The following NRXN1 variants were observed in gnomAD, a reference collection of about 807,000 sequenced individuals.
The protein encoded by NRXN1 is neurexin-1.
Under a neutral mutation model 150.9 loss-of-function variants are expected in NRXN1, and 39 were observed. That is an observed-to-expected ratio of 0.26 (90% confidence interval 0.20 to 0.34). The LOEUF is 0.34. Among genes scored for constraint, NRXN1 ranks in the 10% least tolerant of loss-of-function variants. The pLI, the probability that NRXN1 is intolerant of heterozygous loss-of-function variation, is 1.00. For missense variants in NRXN1, 1,815 were observed against 1,949.9 expected (o/e 0.93, Z 1.30); for synonymous variants, 924 against 757.0 (o/e 1.22, Z -3.62).
intron 5 of NRXN1, among the ~76,000 whole-genome samples, chr2:50,844,040 A>G (rs1403957018): frequency 6.6e-6 from 1 of 152,128 alleles, no homozygotes; most frequent in East Asian, 1.9e-4. Context: ...GAAGGAAGCA[A>G]TGTGTCGTGA....
At chr2:50,110,202 G>T (rs1702192035) in intron 18 of NRXN1, among the ~76,000 whole-genome samples, 1 of 152,028 alleles carries the variant, frequency 6.6e-6, no homozygotes. Context: ...TAGAAATAAA[G>T]AATGTTGGCC....
intron 5 of NRXN1, among the ~76,000 whole-genome samples, chr2:50,679,058 G>A (rs1472098954): frequency 6.6e-6 from 1 of 151,976 alleles, no homozygotes. Flanking sequence ...GTAGCTCTTG[G>A]GGCATGTACA....
chr2:50,760,991 A>G (rs1701738375), intron 5 of NRXN1, among the ~76,000 whole-genome samples: 1 of 151,940 alleles, frequency 6.6e-6, no homozygotes, highest in Non-Finnish European at 1.5e-5. Context: ...ACCCAAACCA[A>G]CCAATTAATT....
chr2:50,224,576 T>C (rs540039925), intron 18 of NRXN1, among the ~76,000 whole-genome samples: 6 of 151,888 alleles, frequency 4.0e-5, no homozygotes, highest in African/African-American at 1.4e-4. Flanking sequence ...ATTTAATATA[T>C]ATTAATTAAA....
At chr2:50,358,551 A>G (rs1248582341) in intron 17 of NRXN1, among the ~76,000 whole-genome samples, 3 of 152,180 alleles carry the variant, frequency 2.0e-5, no homozygotes, top group Non-Finnish European at 4.4e-5. Flanking sequence ...TCTGGGCAGG[A>G]CATCTCTGAA....
chr2:50,579,788 G>C (rs1671978226), intron 8 of NRXN1, among the ~76,000 whole-genome samples: 1 of 152,118 alleles, frequency 6.6e-6, no homozygotes, highest in Admixed American at 6.6e-5. Context: ...CATGTAATAT[G>C]AAGGTGAATC....
rs117831571 is a variant in NRXN1, at chr2:50,618,176, G to A, written c.1320+1846C>T. 1.9e-3 allele frequency among the ~76,000 whole-genome samples: 296 copies of A among 152,274 alleles called. 13 individuals are homozygous for A. The East Asian group carries it at 0.042, about 22-fold the overall frequency. On this transcript the variant is annotated intron_variant, in intron 8 of 22. Transcript: ENST00000401669. ...TGAAAATGAGGAAGTTGGTACAGGTGATTGGGGATGCGGCTCTGCCCTCCA... is the reference window on the plus strand; with the variant it reads ...TGAAAATGAGGAAGTTGGTACAGGTAATTGGGGATGCGGCTCTGCCCTCCA...
intron 17 of NRXN1, among the ~76,000 whole-genome samples, chr2:50,308,659 T>C (rs1340087403): frequency 2.6e-5 from 4 of 152,194 alleles, no homozygotes; most frequent in African/African-American, 9.7e-5. Context: ...AATCAGTGTA[T>C]TAAACATTTT....
chr2:50,206,571 C>T (rs1559090301), intron 18 of NRXN1, among the ~76,000 whole-genome samples: 3 of 151,928 alleles, frequency 2.0e-5, no homozygotes, highest in Admixed American at 6.6e-5. Context: ...ATACCACATC[C>T]TCTGCAGTAA....
intron 18 of NRXN1, among the ~76,000 whole-genome samples, chr2:50,224,378 T>A (rs987140633): frequency 1.3e-5 from 2 of 151,972 alleles, no homozygotes; most frequent in Non-Finnish European, 2.9e-5. Flanking sequence ...TTATTGTGAA[T>A]ATTTAATAAA....
intron 17 of NRXN1, among the ~76,000 whole-genome samples, chr2:50,246,118 G>A (rs2066476708): frequency 6.6e-6 from 1 of 151,928 alleles, no homozygotes; most frequent in Non-Finnish European, 1.5e-5. Flanking sequence ...CATTTTTAGA[G>A]TCTATCCTGA....
At chr2:50,003,166 T>G (rs1558671018) in intron 21 of NRXN1, among the ~76,000 whole-genome samples, 1 of 152,092 alleles carries the variant, frequency 6.6e-6, no homozygotes, top group African/African-American at 2.4e-5. Context: ...TGCATCAATA[T>G]GGAATAGGGT....
chr2:49,964,770 G>C (rs1361029658), intron 21 of NRXN1, among the ~76,000 whole-genome samples: 6 of 152,168 alleles, frequency 3.9e-5, no homozygotes, highest in Non-Finnish European at 5.9e-5. Flanking sequence ...GAACCCAGGA[G>C]GTGGAGGTTG....
chr2:50,065,294 T>A (rs1285993957), intron 19 of NRXN1, among the ~76,000 whole-genome samples: 1 of 152,136 alleles, frequency 6.6e-6, no homozygotes, highest in African/African-American at 2.4e-5. Context: ...TAATGCTGCA[T>A]CATACATCAT....
intron 15 of NRXN1, among the ~76,000 whole-genome samples, chr2:50,481,929 C>A (rs1053269848): frequency 2.7e-5 from 4 of 145,620 alleles, no homozygotes; most frequent in African/African-American, 5.5e-5. Context: ...CTACGCCCGG[C>A]TAATTTTTTT....
Position 50,867,786 on chromosome 2 carries a change from C to A in NRXN1, c.832+54083G>T, listed in dbSNP as rs56188652. Among the ~76,000 whole-genome samples the A allele has an allele frequency of 8.0e-3, 1,212 of 151,744 alleles. 23 individuals are homozygous for A. Among genetic ancestry groups the A allele is most frequent in the African/African-American group, 0.027 (1,138 of 41,420 alleles). ...AGACATGGGAGTTACTACTCTTGGG[C>A]AACATTCAAAAGAATGGGTAAAGTT... On this transcript the variant is annotated intron_variant, in intron 5 of 22. Coordinates refer to ENST00000401669, the MANE Select transcript of NRXN1 (RefSeq NM_001330078.2).
intron 21 of NRXN1, among the ~76,000 whole-genome samples, chr2:49,992,121 T>C (rs1363054482): frequency 6.6e-6 from 1 of 151,966 alleles, no homozygotes; most frequent in African/African-American, 2.4e-5. Flanking sequence ...ACCATAAAAC[T>C]CTTAGAAGAC....
At chr2:50,925,669 T>C (rs1157035681) in intron 3 of NRXN1, among the ~76,000 whole-genome samples, 1 of 151,968 alleles carries the variant, frequency 6.6e-6, no homozygotes, top group Non-Finnish European at 1.5e-5. Flanking sequence ...ATCATTTTTC[T>C]CATACAGAAC....
chr2:50,291,467 A>T (rs2072917418), intron 17 of NRXN1, among the ~76,000 whole-genome samples: 1 of 152,162 alleles, frequency 6.6e-6, no homozygotes, highest in South Asian at 2.1e-4. Flanking sequence ...TGAGAAATCA[A>T]GGTGGCCAGA....
Sources: gnomAD v4.1 joint callset for allele counts (sites outside exome capture counted in the v4.1 genomes callset) on GRCh38, gnomAD v4.1.1 for gene constraint, MANE v1.5 for transcripts, NCBI Gene and HGNC (gene_info 2026-07-23, HGNC 2026-07-21) for gene names.